PNPLA8: variants seen among roughly 807,000 people sequenced by gnomAD.
The protein encoded by PNPLA8 is calcium-independent phospholipase A2-gamma.
In PNPLA8, 39 loss-of-function variants were observed where a neutral mutation model predicts 76.9. The ratio of observed to expected loss-of-function variants is 0.51; its 90% CI spans 0.39 to 0.66. The LOEUF is 0.66. Among genes scored for constraint, PNPLA8 ranks in the 30% least tolerant of loss-of-function variants. The pLI is 0.00. For missense variants in PNPLA8, 887 were observed against 918.0 expected (o/e 0.97, Z 0.44); for synonymous variants, 301 against 307.9 (o/e 0.98, Z 0.24).
At chr7:108,485,658 C>T (rs535344711) in intron 9 of PNPLA8, among the ~76,000 whole-genome samples, 2 of 152,022 alleles carry the variant, frequency 1.3e-5, no homozygotes, top group Non-Finnish European at 2.9e-5. Flanking sequence ...TTTACTTGAA[C>T]GTTTTCTTTG....
chr7:108,479,537 A>C, intron 9 of PNPLA8, 158 bp from the exon 10 acceptor site: 12 of 626,260 alleles, frequency 1.9e-5, no homozygotes, highest in East Asian at 2.8e-5. Context: ...GCGAAGACTC[A>C]TTGGTCTCAT....
At chr7:108,512,112 C>T (rs572817628) in intron 4 of PNPLA8, among the ~76,000 whole-genome samples, 79 of 152,270 alleles carry the variant, frequency 5.2e-4, no homozygotes, top group Non-Finnish European at 8.4e-4. Flanking sequence ...AAGTAACCAC[C>T]ACACGGAGGT....
At chr7:108,509,985 C>T (rs1862774186) in intron 4 of PNPLA8, among the ~76,000 whole-genome samples, 1 of 134,122 alleles carries the variant, frequency 7.5e-6, no homozygotes, top group Non-Finnish European at 1.6e-5. Context: ...AATGAGAACA[C>T]ACGGACACAG....
intron 7 of PNPLA8, among the ~76,000 whole-genome samples, chr7:108,493,618 C>G (rs1307519050): frequency 5.8e-5 from 7 of 120,166 alleles, no homozygotes; most frequent in Non-Finnish European, 1.1e-4. Flanking sequence ...GATGGGGTTT[C>G]ACCGTGTAGG....
intron 10 of PNPLA8, among the ~76,000 whole-genome samples, chr7:108,476,582 T>A (rs865817939): frequency 6.6e-6 from 1 of 152,166 alleles, no homozygotes; most frequent in Non-Finnish European, 1.5e-5. Flanking sequence ...GTATGGAGGT[T>A]CCTCAAAAAA....
At chr7:108,516,908 A>G (rs1025927287) in intron 2 of PNPLA8, among the ~76,000 whole-genome samples, 4 of 137,188 alleles carry the variant, frequency 2.9e-5, no homozygotes, top group Non-Finnish European at 4.8e-5. Context: ...TCTCAAAAAC[A>G]AAACAAACAA....
At chr7:108,488,459 A>G (rs1860908656) in intron 8 of PNPLA8, among the ~76,000 whole-genome samples, 1 of 152,110 alleles carries the variant, frequency 6.6e-6, no homozygotes, top group Admixed American at 6.6e-5. Context: ...GGTGCCTTCC[A>G]GCTACTCGGG....
In PNPLA8 at chr7:108,488,794, T is replaced by C. The variant is rs1254769574; in HGVS notation, c.1684-841A>G. On this transcript the variant is annotated intron_variant, in intron 8 of 10. Coordinates refer to ENST00000257694, the MANE Select transcript of PNPLA8 (RefSeq NM_001256007.3). ...GTCAACCATCTCAGGTCTCAAATTT[T>C]ATCACTGTCAGTTAAATTTACATGA... 3.3e-5 allele frequency among the ~76,000 whole-genome samples: 5 copies of C among 152,238 alleles called. No homozygotes were observed. In the East Asian group the frequency reaches 7.7e-4, roughly 23 times the overall value.
intron 2 of PNPLA8, among the ~76,000 whole-genome samples, chr7:108,520,442 G>A (rs891000171): frequency 6.6e-6 from 1 of 152,194 alleles, no homozygotes; most frequent in Admixed American, 6.5e-5. Context: ...GTGTGTGAGG[G>A]AGAGTTGGGG....
At position 108,472,414 on chromosome 7, in the gene PNPLA8, A is replaced by C; in HGVS notation, c.2336T>G (p.Phe779Cys). The C allele has an allele frequency of 6.4e-7, 1 of 1,570,994 alleles. No homozygotes were observed. Among genetic ancestry groups the C allele is most frequent in the East Asian group, 2.2e-5 (1 of 44,656 alleles). ...AGCATATACTCATCACAATTTTGAA[A>C]AGAATGGAAGTCCTTCATACATATC... is the stretch of plus-strand genomic sequence containing the variant. ...KTDMYEGLPF[F>C]SKL Residue 779 changes from phenylalanine to cysteine, a missense_variant, in exon 11 of 11, where the codon TTT becomes TGT. Physicochemically the swap from Phe to Cys is radical, Grantham distance 205. Coordinates refer to ENST00000257694, the MANE Select transcript of PNPLA8 (RefSeq NM_001256007.3).
At chr7:108,526,895 A>C (rs932957829), upstream of PNPLA8, among the ~76,000 whole-genome samples, 3 of 152,240 alleles carry the variant, frequency 2.0e-5, no homozygotes, top group African/African-American at 4.8e-5. Flanking sequence ...GTTAAAAAAA[A>C]AGTTTTGCGA....
chr7:108,490,507 G>T (rs564186752), intron 8 of PNPLA8, among the ~76,000 whole-genome samples: 6 of 152,328 alleles, frequency 3.9e-5, no homozygotes, highest in African/African-American at 1.4e-4. Context: ...AAGAAGGCTG[G>T]GCGCGGTGGC....
At chr7:108,498,920 T>C (rs1392350993) in intron 5 of PNPLA8, among the ~76,000 whole-genome samples, 1 of 134,532 alleles carries the variant, frequency 7.4e-6, no homozygotes, top group African/African-American at 2.9e-5. Flanking sequence ...TCAAAAAATT[T>C]TGAGTGTCAA....
In PNPLA8 at chr7:108,497,551, C is replaced by T. The variant is rs557023667; in HGVS notation, c.1385G>A (p.Arg462Gln). 5 of 1,611,124 alleles carry T rather than the reference C, an allele frequency of 3.1e-6. No individual in the cohort carries two copies. The highest frequency in any genetic ancestry group is 3.3e-5 in the Admixed American group (2 of 59,726). ...TRGVVALQTL[R>Q]KLVELTQKPV... is the part of the protein sequence containing the mutation. ...CTTCTGAGTAAGTTCAACTAATTTT[C>T]GTAGGGTCTGGAGAGCAACCACGCC... is the stretch of plus-strand genomic sequence containing the variant. The change falls in exon 6 of 11, where the codon CGA (arginine) becomes CAA (glutamine). Residue 462 changes from arginine to glutamine, a missense_variant. By Grantham distance (43) the Arg-to-Gln change is conservative. Coordinates refer to ENST00000257694, the MANE Select transcript of PNPLA8 (RefSeq NM_001256007.3).
chr7:108,472,427 C>T lies in PNPLA8; in HGVS notation c.2323G>A (p.Gly775Arg). Residue 775 changes from glycine (G) to arginine (R), a missense_variant, in exon 11 of 11, where the codon GGA becomes AGA. Physicochemically the swap from Gly to Arg is moderately radical, Grantham distance 125. Coordinates refer to ENST00000257694, the MANE Select transcript of PNPLA8 (RefSeq NM_001256007.3). Reference protein sequence around the residue: ...WIKLKTDMYEGLPFFSKL With the variant: ...WIKLKTDMYERLPFFSKL ...CACAATTTTGAAAAGAATGGAAGTC[C>T]TTCATACATATCAGTTTTTAATTTT... The T allele has an allele frequency of 6.3e-7, 1 of 1,587,238 alleles. No individual in the cohort carries two copies. Among genetic ancestry groups the T allele is most frequent in the South Asian group, 1.1e-5 (1 of 87,228 alleles).
chr7:108,502,464 AAAAAAG>A, intron 5 of PNPLA8, 21 bp downstream of exon 5: 1 of 1,458,600 alleles, frequency 6.9e-7, no homozygotes. Flanking sequence ...AAAAAAAAAA[AAAAAAG>A]AATCATGTTC....
At chr7:108,519,948 T>G (rs1863620985) in intron 2 of PNPLA8, among the ~76,000 whole-genome samples, 1 of 152,210 alleles carries the variant, frequency 6.6e-6, no homozygotes, top group African/African-American at 2.4e-5. Flanking sequence ...GAATACAAGT[T>G]CGTCTCTGTC....
At chr7:108,503,348 C>T (rs923392941) in intron 4 of PNPLA8, among the ~76,000 whole-genome samples, 6 of 152,168 alleles carry the variant, frequency 3.9e-5, no homozygotes, top group Admixed American at 2.6e-4. Flanking sequence ...TGAGTGGCAG[C>T]TATAATTCTG....
At chr7:108,520,374 A>C (rs1863649708) in intron 2 of PNPLA8, among the ~76,000 whole-genome samples, 1 of 152,184 alleles carries the variant, frequency 6.6e-6, no homozygotes, top group East Asian at 1.9e-4. Flanking sequence ...AGGAGCTAAA[A>C]AAAATTGGAT....
Sources: gnomAD v4.1 joint callset for allele counts (sites outside exome capture counted in the v4.1 genomes callset) on GRCh38, gnomAD v4.1.1 for gene constraint, MANE v1.5 for transcripts, NCBI Gene and HGNC (gene_info 2026-07-23, HGNC 2026-07-21) for gene names.